BCAS3: variants seen among roughly 807,000 people sequenced by gnomAD.
BCAS3 encodes BCAS3 microtubule associated cell migration factor, also known as BCAS4/BCAS3 fusion.
BCAS3 carries 53 observed loss-of-function variants against 116.1 expected under a neutral mutation model. The ratio of observed to expected loss-of-function variants is 0.46; its 90% CI spans 0.37 to 0.57. BCAS3 has a LOEUF of 0.57. Among genes scored for constraint, BCAS3 ranks in the 20% least tolerant of loss-of-function variants. The probability of loss-of-function intolerance (pLI) is 0.00; values close to 1 mark genes in which losing one functional copy is unlikely to be tolerated. For missense variants in BCAS3, 917 were observed against 1,165.4 expected (o/e 0.79, Z 3.10); for synonymous variants, 391 against 408.2 (o/e 0.96, Z 0.51).
rs73991406 is a variant in BCAS3 at position 60,989,585 on chromosome 17, A to G, written c.1222-386A>G. Among the ~76,000 whole-genome samples, 325 of 152,094 alleles carry G rather than the reference A, an allele frequency of 2.1e-3. 3 individuals are homozygous for G. The highest frequency in any genetic ancestry group is 0.01 in the Middle Eastern group (3 of 294). Reference sequence around the variant, plus strand: ...AACTGCAACAGACAGTGGAGCTTTTACATCCTACAAGGCCATATGGCCTCT... The same window carrying G: ...AACTGCAACAGACAGTGGAGCTTTTGCATCCTACAAGGCCATATGGCCTCT... On this transcript the variant is annotated intron_variant, in intron 14 of 23. Coordinates refer to ENST00000407086, the MANE Select transcript of BCAS3 (RefSeq NM_017679.5).
chr17:60,941,545 T>G (rs757647062), intron 13 of BCAS3, among the ~76,000 whole-genome samples: 1 of 152,216 alleles, frequency 6.6e-6, no homozygotes, highest in South Asian at 2.1e-4. Context: ...TTCTGCTCTT[T>G]AAATTTTTTA....
intron 15 of BCAS3, among the ~76,000 whole-genome samples, chr17:61,006,830 C>T (rs181592093): frequency 2.6e-5 from 4 of 152,004 alleles, no homozygotes; most frequent in East Asian, 1.9e-4. Flanking sequence ...TTTATTTATA[C>T]GTATGAAGAA....
chr17:61,305,234 C>G (rs761194609), intron 22 of BCAS3, among the ~76,000 whole-genome samples: 2 of 152,188 alleles, frequency 1.3e-5, no homozygotes, highest in Admixed American at 6.5e-5. Flanking sequence ...GGTGCATAGT[C>G]AATCAGCCAA....
At chr17:60,721,974 C>T (rs974999543) in intron 5 of BCAS3, among the ~76,000 whole-genome samples, 1 of 151,986 alleles carries the variant, frequency 6.6e-6, no homozygotes, top group Non-Finnish European at 1.5e-5. Context: ...AAGGTATGCT[C>T]TTATGTTCTG....
intron 5 of BCAS3, among the ~76,000 whole-genome samples, chr17:60,710,475 A>G (rs752869123): frequency 3.5e-5 from 5 of 144,246 alleles, no homozygotes; most frequent in Non-Finnish European, 7.5e-5. Flanking sequence ...TCTGTTGCCC[A>G]GGCTGGAGTG....
At position 60,727,353 on chromosome 17, in the gene BCAS3, G is replaced by T. The variant is rs2039989594; in HGVS notation, c.321+18028G>T. ...CTTCTCTGCCCACCATAGCCACTCT[G>T]CTTCCGATCATAGCGCCTCTTTCCC... On this transcript the variant is annotated intron_variant, in intron 5 of 23. Transcript: ENST00000407086. 5 of 1,506,572 alleles carry T rather than the reference G, an allele frequency of 3.3e-6. No individual in the cohort carries two copies. The Admixed American group carries it at 6.7e-5, about 20-fold the overall frequency. 93.3% of individuals were successfully genotyped at this position (1,506,572 alleles called of 1,614,324 possible). A position where few individuals can be genotyped will look rare whatever the true frequency, so the allele number is the denominator to read the frequency against.
chr17:60,930,330 A>G (rs542134529), intron 13 of BCAS3, among the ~76,000 whole-genome samples: 8 of 152,382 alleles, frequency 5.2e-5, no homozygotes, highest in African/African-American at 1.9e-4. Context: ...TTTATGTAAA[A>G]CAAACAAAAC....
At chr17:61,311,998 A>G (rs896003813) in intron 22 of BCAS3, among the ~76,000 whole-genome samples, 1 of 152,196 alleles carries the variant, frequency 6.6e-6, no homozygotes, top group Non-Finnish European at 1.5e-5. Flanking sequence ...CCACATCTCA[A>G]CCTCATCAGG....
intron 5 of BCAS3, among the ~76,000 whole-genome samples, chr17:60,737,001 G>A (rs767712312): frequency 2.0e-5 from 3 of 151,362 alleles, no homozygotes; most frequent in African/African-American, 4.9e-5. Flanking sequence ...GTGCAATGGC[G>A]CGATCTTGTC....
intron 15 of BCAS3, among the ~76,000 whole-genome samples, chr17:61,001,140 G>A (rs1328965033): frequency 4.6e-5 from 7 of 152,030 alleles, no homozygotes; most frequent in Admixed American, 2.0e-4. Flanking sequence ...CACAGCTTTT[G>A]GCATCTGAAT....
At chr17:60,987,269 C>T (rs2063200963) in intron 14 of BCAS3, 1 of 149,708 alleles carries the variant, frequency 6.7e-6, no homozygotes, top group African/African-American at 2.5e-5. Context: ...TAATGTGATT[C>T]CTCCAGGTTT....
At chr17:60,940,264 C>T (rs976776150) in intron 13 of BCAS3, among the ~76,000 whole-genome samples, 1 of 152,094 alleles carries the variant, frequency 6.6e-6, no homozygotes, top group Admixed American at 6.5e-5. Flanking sequence ...AAATCATCTG[C>T]TTTGGTAGTG....
intron 10 of BCAS3, among the ~76,000 whole-genome samples, chr17:60,890,132 G>C (rs1217694009): frequency 1.3e-5 from 2 of 152,158 alleles, no homozygotes; most frequent in African/African-American, 4.8e-5. Context: ...GTCTTCATTG[G>C]TAGATTAGAA....
chr17:61,206,097 G>A (rs2081107636), intron 22 of BCAS3, among the ~76,000 whole-genome samples: 1 of 152,108 alleles, frequency 6.6e-6, no homozygotes, highest in Non-Finnish European at 1.5e-5. Flanking sequence ...ACAAGTCGTA[G>A]CCAGTGAAAG....
At chr17:61,074,642 C>A (rs958535015) in intron 19 of BCAS3, among the ~76,000 whole-genome samples, 1 of 152,102 alleles carries the variant, frequency 6.6e-6, no homozygotes, top group African/African-American at 2.4e-5. Flanking sequence ...TTTGTCGCTG[C>A]TCTTCAGTGT....
At position 61,241,019 on chromosome 17, in the gene BCAS3, C is replaced by A. The variant is rs1012324258; in HGVS notation, c.2426-127308C>A. Reference sequence around the variant, plus strand: ...TGTTTGGGCATGACAGGATTTTTGCCATGAGAAACCTTCTAGAGCTTCCGC... The same window carrying A: ...TGTTTGGGCATGACAGGATTTTTGCAATGAGAAACCTTCTAGAGCTTCCGC... On this transcript the variant is annotated intron_variant, in intron 22 of 23. Coordinates refer to ENST00000407086, the MANE Select transcript of BCAS3 (RefSeq NM_017679.5). This position sits in a 1 kb window ranked among gnomAD's most constrained non-coding sequence, Gnocchi z 4.6. 6.6e-6 allele frequency among the ~76,000 whole-genome samples: 1 copy of A among 152,200 alleles called. No homozygotes were observed. The highest frequency in any genetic ancestry group is 2.4e-5 in the African/African-American group (1 of 41,446).
At chr17:60,756,106 T>C (rs1401930210) in intron 6 of BCAS3, among the ~76,000 whole-genome samples, 1 of 59,646 alleles carries the variant, frequency 1.7e-5, no homozygotes, top group African/African-American at 2.7e-5. Context: ...AGTTTTTCCA[T>C]GGATGGGGGG....
In BCAS3 at chr17:60,680,578, A is replaced by G. The variant is rs542360760; in HGVS notation, c.83+1038A>G. Among the ~76,000 whole-genome samples the G allele has an allele frequency of 7.2e-5, 11 of 152,254 alleles. No individual in the cohort carries two copies. The East Asian group carries it at 9.6e-4, about 13-fold the overall frequency. ...GTCTCTGTTTTTGGCATTCTTTGACAAAGAATGTCTATACTTACTAGAGTG... is the reference window on the plus strand; with the variant it reads ...GTCTCTGTTTTTGGCATTCTTTGACGAAGAATGTCTATACTTACTAGAGTG... On this transcript the variant is annotated intron_variant, in intron 2 of 23. Transcript: ENST00000407086.
At chr17:61,340,314 C>CTG (rs1157605839) in intron 22 of BCAS3, among the ~76,000 whole-genome samples, 2 of 112,888 alleles carry the variant, frequency 1.8e-5, no homozygotes, top group East Asian at 5.0e-4. Flanking sequence ...GGAAGGGGGA[C>CTG]TGTGTATACA....
Sources: gnomAD v4.1 joint callset for allele counts (sites outside exome capture counted in the v4.1 genomes callset) on GRCh38, gnomAD v4.1.1 for gene constraint, Gnocchi (gnomAD v3.1) non-coding constraint, MANE v1.5 for transcripts, NCBI Gene and HGNC (gene_info 2026-07-23, HGNC 2026-07-21) for gene names.